Variants in CA5A observed in about 807,000 individuals in gnomAD.
CA5A encodes the protein carbonic anhydrase 5A, also known as carbonic anhydrase 5A, mitochondrial.
In CA5A, 28 loss-of-function variants were observed where a neutral mutation model predicts 37.1. The observed-to-expected ratio is 0.75, with a 90% CI of 0.56 to 1.03. The LOEUF is 1.03. Ranked by LOEUF, CA5A falls within the 50% of genes least tolerant of loss-of-function variation. The pLI is 0.00. For synonymous variants in CA5A, 171 were observed against 158.4 expected (o/e 1.08, Z -0.60); for missense variants, 444 against 399.9 (o/e 1.11, Z -0.94).
intron 1 of CA5A, among the ~76,000 whole-genome samples, chr16:87,932,296 A>C (rs2056418424): frequency 6.6e-6 from 1 of 152,190 alleles, no homozygotes; most frequent in African/African-American, 2.4e-5. Context: ...CACTGATGCC[A>C]CAGAGGAGGT....
intron 4 of CA5A, 52 bp from the exon 5 acceptor site, chr16:87,902,026 G>T: frequency 6.7e-7 from 1 of 1,483,830 alleles, no homozygotes; most frequent in Non-Finnish European, 9.4e-7. Flanking sequence ...GATGGGGGGG[G>T]AAGCTCACTC....
At chr16:87,893,538 A>G in intron 5 of CA5A, 2 of 578,122 alleles carry the variant, frequency 3.5e-6, no homozygotes, top group Admixed American at 1.9e-5. Context: ...GCAGCCGTCC[A>G]GGGACTGGCA....
intron 5 of CA5A, among the ~76,000 whole-genome samples, chr16:87,894,978 A>G (rs56195233): frequency 0.22 from 34,021 of 152,128 alleles, 4,219 homozygotes; most frequent in African/African-American, 0.33. Flanking sequence ...GGTTGGGCGC[A>G]ATGGATCATG....
At chr16:87,923,950 A>G (rs2056265687) in intron 2 of CA5A, 1 of 984,950 alleles carries the variant, frequency 1.0e-6, no homozygotes, top group African/African-American at 1.7e-5. Flanking sequence ...AAGTGGCTGC[A>G]TGAAGAATTT....
intron 2 of CA5A, among the ~76,000 whole-genome samples, chr16:87,925,344 C>A (rs2056290212): frequency 6.6e-6 from 1 of 152,168 alleles, no homozygotes; most frequent in Non-Finnish European, 1.5e-5. Flanking sequence ...CAGGCAGGAG[C>A]TTCTGGAGTC....
intron 5 of CA5A, among the ~76,000 whole-genome samples, chr16:87,896,730 G>A (rs556251606): frequency 1.4e-4 from 21 of 152,120 alleles, no homozygotes; most frequent in Non-Finnish European, 2.2e-4. Flanking sequence ...AACCTCCACC[G>A]CCCAGGTTCA....
At chr16:87,884,567 C>CAAAA (rs1213285823), downstream of CA5A, 447 of 111,792 alleles carry the variant, frequency 4.0e-3, 9 homozygotes, top group African/African-American at 0.013. Flanking sequence ...AACTCTGTCT[C>CAAAA]AAAAAAAAAA....
chr16:87,920,703 C>G (rs2056218515), intron 2 of CA5A, among the ~76,000 whole-genome samples: 1 of 152,156 alleles, frequency 6.6e-6, no homozygotes, highest in Admixed American at 6.6e-5. Flanking sequence ...CTTACAACTT[C>G]CGCCTCCCAG....
chr16:87,924,870 G>A (rs916354671), intron 2 of CA5A, among the ~76,000 whole-genome samples: 3 of 152,268 alleles, frequency 2.0e-5, no homozygotes, highest in African/African-American at 7.2e-5. Flanking sequence ...TTTCTGGGCA[G>A]ATGTGGTGCT....
chr16:87,893,117 T>C (rs919271818), intron 5 of CA5A: 18 of 595,408 alleles, frequency 3.0e-5, no homozygotes, highest in Non-Finnish European at 4.9e-5. Context: ...GACATTTCTT[T>C]CTTTCTTCCT....
rs2056049142 is a variant in CA5A, at chr16:87,911,313, CATA to C, written c.341-6412_341-6410del. 6.6e-6 allele frequency among the ~76,000 whole-genome samples: 1 copy of C among 152,120 alleles called. No individual in the cohort carries two copies. The highest frequency in any genetic ancestry group is 2.1e-4 in the South Asian group (1 of 4,814). On this transcript the variant is annotated intron_variant, in intron 2 of 6. Transcript: ENST00000649794. This position sits in a 1 kb window ranked among gnomAD's most constrained non-coding sequence, Gnocchi z 4.6. Reference sequence around the variant, plus strand: ...CTCAGCGCGTGCCAGACTCTCCAAACATAATAACAGATGACGTTTGGGGCCGGC... The same window carrying C: ...CTCAGCGCGTGCCAGACTCTCCAAACATAACAGATGACGTTTGGGGCCGGC...
At chr16:87,928,751 CTTTTCTTTGTTTTTTTTTTTTTTT>C (rs1567537795) in intron 1 of CA5A, among the ~76,000 whole-genome samples, 1 of 107,270 alleles carries the variant, frequency 9.3e-6, no homozygotes, top group African/African-American at 3.6e-5. Flanking sequence ...GGATTATTTT[CTTTTCTTTGTTTTTTTTTTTTTTT>C]TTTTTTTTTT....
At chr16:87,895,206 T>C (rs2143918406) in intron 5 of CA5A, among the ~76,000 whole-genome samples, 1 of 152,164 alleles carries the variant, frequency 6.6e-6, no homozygotes, top group Non-Finnish European at 1.5e-5. Context: ...GCTGTGATCA[T>C]ACCACTGCAC....
At chr16:87,921,325 G>C (rs1385545500) in intron 2 of CA5A, among the ~76,000 whole-genome samples, 1 of 152,198 alleles carries the variant, frequency 6.6e-6, no homozygotes, top group Non-Finnish European at 1.5e-5. Flanking sequence ...GGTTGACTTG[G>C]CTTCAGGTAC....
rs145469536 is a variant in CA5A, at chr16:87,917,971, G to T, written c.340+8777C>A. 1.0e-3 allele frequency among the ~76,000 whole-genome samples: 154 copies of T among 152,310 alleles called. 1 individual carries two copies. The highest frequency in any genetic ancestry group is 3.9e-3 in the Admixed American group (59 of 15,298). ...TCAGTCCAGGGGTCGTCCTTGAACC[G>T]CACAGCCACAGTCCCAGTCCCGACA... On this transcript the variant is annotated intron_variant, in intron 2 of 6. Coordinates refer to ENST00000649794, the MANE Select transcript of CA5A (RefSeq NM_001739.2).
rs2056056572 is a variant in CA5A, at chr16:87,911,817, G to A, written c.341-6913C>T. ...TTCACACGGTGGGGCTTTGCAAGTT[G>A]TTTTATAGGTCTGTGGCCCAGACTA... On this transcript the variant is annotated intron_variant, in intron 2 of 6. Transcript: ENST00000649794. The surrounding 1 kb of genome is among the most constrained non-coding windows in gnomAD (Gnocchi z 4.6). Among the ~76,000 whole-genome samples, 1 of 152,172 alleles carries A rather than the reference G, an allele frequency of 6.6e-6. No homozygotes were observed.
chr16:87,919,618 C>A (rs1255211691), intron 2 of CA5A, among the ~76,000 whole-genome samples: 1 of 152,190 alleles, frequency 6.6e-6, no homozygotes. Flanking sequence ...CCCCTGCACC[C>A]GGTTGCAGCC....
At chr16:87,892,812 C>T (rs1346837697) in intron 5 of CA5A, 20 of 278,050 alleles carry the variant, frequency 7.2e-5, no homozygotes, top group Non-Finnish European at 1.1e-4. Context: ...CCTGCCACCA[C>T]GCCCAGCTAA....
chr16:87,916,427 C>G (rs571797670), intron 2 of CA5A, among the ~76,000 whole-genome samples: 1 of 152,264 alleles, frequency 6.6e-6, no homozygotes, highest in East Asian at 1.9e-4. Context: ...CTCCTCCCCA[C>G]CGTCATGAAG....
Sources: allele counts gnomAD v4.1 joint callset (sites outside exome capture counted in the v4.1 genomes callset), GRCh38; gene constraint gnomAD v4.1.1; non-coding constraint Gnocchi (gnomAD v3.1); transcripts MANE v1.5; gene names NCBI Gene and HGNC (gene_info 2026-07-23, HGNC 2026-07-21).